Variants in RABGAP1L observed in about 807,000 individuals in gnomAD.
The protein encoded by RABGAP1L is RAB GTPase activating protein 1 like, also known as rab GTPase-activating protein 1-like.
A neutral mutation model predicts 137.7 loss-of-function variants in RABGAP1L; 63 were observed. The observed-to-expected ratio is 0.46, with a 90% CI of 0.37 to 0.56. The LOEUF (loss-of-function observed/expected upper bound fraction) is 0.56, where lower values mean the gene tolerates loss of function less well. RABGAP1L is among the 20% of genes least tolerant of loss of function. The probability of loss-of-function intolerance (pLI) is 0.00; values close to 1 mark genes in which losing one functional copy is unlikely to be tolerated. For synonymous variants in RABGAP1L, 431 were observed against 433.7 expected, an observed-to-expected ratio of 0.99 and a Z score of 0.08; for missense variants, 1,095 against 1,244.0, an observed-to-expected ratio of 0.88 and a Z score of 1.80.
intron 13 of RABGAP1L, among the ~76,000 whole-genome samples, chr1:174,576,159 A>G (rs892842576): frequency 1.3e-5 from 2 of 152,230 alleles, no homozygotes; most frequent in Non-Finnish European, 2.9e-5. Context: ...CAAACAATCC[A>G]TAGAAACAGG....
At chr1:174,861,866 A>G (rs1650320160) in intron 19 of RABGAP1L, among the ~76,000 whole-genome samples, 2 of 152,072 alleles carry the variant, frequency 1.3e-5, no homozygotes, top group South Asian at 4.1e-4. Context: ...CTCATGAGAT[A>G]TATAGTTTGG....
chr1:174,637,925 T>A (rs1292854440), intron 14 of RABGAP1L, among the ~76,000 whole-genome samples: 1 of 152,232 alleles, frequency 6.6e-6, no homozygotes, highest in Admixed American at 6.5e-5. Context: ...TTACGTCACA[T>A]CATATATTTT....
intron 5 of RABGAP1L, among the ~76,000 whole-genome samples, chr1:174,243,889 C>G (rs1177645779): frequency 3.9e-5 from 6 of 152,190 alleles, no homozygotes; most frequent in African/African-American, 1.4e-4. Flanking sequence ...TTTTCAGTAA[C>G]AACTTTCCTG....
At chr1:174,698,028 A>G (rs557885922) in intron 15 of RABGAP1L, among the ~76,000 whole-genome samples, 1 of 152,356 alleles carries the variant, frequency 6.6e-6, no homozygotes, top group Non-Finnish European at 1.5e-5. Flanking sequence ...GATTTGTATG[A>G]AATCTTGTAC....
rs1029381609 is a variant in RABGAP1L, at chr1:174,201,202, G to A, written c.-33-17923G>A. ...AACTCTTGGCCTCAAGCAGTAATCC[G>A]TCGCAGGCTCCCAAAGTGTTGAAAT... On this transcript the variant is annotated intron_variant, in intron 1 of 25. Transcript: ENST00000681986. Among the ~76,000 whole-genome samples the A allele has an allele frequency of 3.7e-4, 56 of 151,798 alleles. 1 individual carries two copies. The highest frequency in any genetic ancestry group is 1.3e-3 in the African/African-American group (55 of 41,348).
chr1:174,255,283 C>T (rs1673028773), intron 7 of RABGAP1L, among the ~76,000 whole-genome samples: 1 of 151,990 alleles, frequency 6.6e-6, no homozygotes, highest in South Asian at 2.1e-4. Flanking sequence ...ATTACAGTTC[C>T]AAAAGAATAT....
chr1:174,788,927 TG>T (rs1687653729), intron 18 of RABGAP1L, among the ~76,000 whole-genome samples: 1 of 152,180 alleles, frequency 6.6e-6, no homozygotes, highest in Admixed American at 6.5e-5. Context: ...TTGCCTAGGC[TG>T]TTCTCGAACT....
At chr1:174,165,583 T>G (rs1456432244) in intron 1 of RABGAP1L, among the ~76,000 whole-genome samples, 1 of 152,016 alleles carries the variant, frequency 6.6e-6, no homozygotes, top group Non-Finnish European at 1.5e-5. Context: ...ACTGCATCCT[T>G]GATTTCCTGG....
At chr1:174,842,111 A>G (rs1693476083) in intron 19 of RABGAP1L, among the ~76,000 whole-genome samples, 2 of 152,220 alleles carry the variant, frequency 1.3e-5, no homozygotes, top group Admixed American at 1.3e-4. Context: ...AACTAGGTAT[A>G]TAGTTTGTTC....
At chr1:174,690,337 C>T (rs898347090) in intron 15 of RABGAP1L, among the ~76,000 whole-genome samples, 4 of 152,042 alleles carry the variant, frequency 2.6e-5, no homozygotes, top group Non-Finnish European at 5.9e-5. Context: ...GTACCTAGCA[C>T]AAAAATAATG....
intron 14 of RABGAP1L, among the ~76,000 whole-genome samples, chr1:174,671,760 G>C (rs369860441): frequency 8.5e-5 from 13 of 152,102 alleles, no homozygotes; most frequent in African/African-American, 2.9e-4. Flanking sequence ...TTGGCCTGTA[G>C]TTTTCTTTTT....
intron 15 of RABGAP1L, among the ~76,000 whole-genome samples, chr1:174,689,203 C>T (rs1678695036): frequency 6.6e-6 from 1 of 151,704 alleles, no homozygotes; most frequent in South Asian, 2.1e-4. Flanking sequence ...TAAAATATTT[C>T]TCACCAAAAA....
At position 174,421,837 on chromosome 1, in the gene RABGAP1L, C is replaced by T. The variant is rs570413646; in HGVS notation, c.1710+27692C>T. 1.2e-3 allele frequency among the ~76,000 whole-genome samples: 181 copies of T among 152,290 alleles called. 1 individual carries two copies. Among genetic ancestry groups the T allele is most frequent in the African/African-American group, 2.4e-3 (101 of 41,570 alleles). ...AGGCTGGAGTACAGTGGCACGATCT[C>T]GGCTCACTGCAAACTCTGCATACTG... On this transcript the variant is annotated intron_variant, in intron 13 of 25. Transcript: ENST00000681986.
intron 13 of RABGAP1L, among the ~76,000 whole-genome samples, chr1:174,559,530 A>G (rs1345910252): frequency 1.3e-5 from 2 of 152,234 alleles, no homozygotes; most frequent in Admixed American, 6.5e-5. Context: ...CTCAATGGAA[A>G]TATTACCTTT....
intron 14 of RABGAP1L, among the ~76,000 whole-genome samples, chr1:174,670,663 G>A (rs982596109): frequency 5.9e-5 from 9 of 152,064 alleles, no homozygotes; most frequent in Non-Finnish European, 1.2e-4. Context: ...TTGTCTTTCT[G>A]TGCCTGGCTT....
intron 13 of RABGAP1L, among the ~76,000 whole-genome samples, chr1:174,633,095 C>T (rs1033734485): frequency 5.9e-5 from 9 of 151,884 alleles, no homozygotes; most frequent in African/African-American, 2.2e-4. Flanking sequence ...GTCAAATTGT[C>T]CCTGTTTGCA....
At chr1:174,747,379 G>A (rs973064869) in intron 17 of RABGAP1L, among the ~76,000 whole-genome samples, 1 of 136,572 alleles carries the variant, frequency 7.3e-6, no homozygotes, top group East Asian at 2.4e-4. Flanking sequence ...TCCAGCTTGT[G>A]TGACAGAGTG....
intron 19 of RABGAP1L, among the ~76,000 whole-genome samples, chr1:174,862,559 GTGCTAGTAGAAAACGAAA>G (rs1650435430): frequency 6.6e-6 from 1 of 152,100 alleles, no homozygotes; most frequent in African/African-American, 2.4e-5. Flanking sequence ...ATCTCATTTG[GTGCTAGTAGAAAACGAAA>G]TGCATAAAAA....
At chr1:174,336,490 A>G (rs1309098494) in intron 11 of RABGAP1L, among the ~76,000 whole-genome samples, 1 of 152,210 alleles carries the variant, frequency 6.6e-6, no homozygotes, top group Non-Finnish European at 1.5e-5. Flanking sequence ...CTTTTAAAGA[A>G]AAGATAATCA....
Sources: gnomAD v4.1 joint callset for allele counts (sites outside exome capture counted in the v4.1 genomes callset) on GRCh38, gnomAD v4.1.1 for gene constraint, MANE v1.5 for transcripts, NCBI Gene and HGNC (gene_info 2026-07-23, HGNC 2026-07-21) for gene names.